Variants in TGM5 observed in about 807,000 individuals in gnomAD.
TGM5 encodes the protein protein-glutamine gamma-glutamyltransferase 5.
TGM5 carries 69 observed loss-of-function variants against 77.2 expected under a neutral mutation model. That is an observed-to-expected ratio of 0.89 (90% CI 0.74 to 1.09). The LOEUF is 1.09. TGM5 is among the 50% of genes least tolerant of loss of function. The probability of loss-of-function intolerance (pLI) is 0.00; values close to 1 mark genes in which losing one functional copy is unlikely to be tolerated. For missense variants in TGM5, 842 were observed against 896.5 expected, an observed-to-expected ratio of 0.94 and a Z score of 0.78; for synonymous variants, 346 against 351.8, an observed-to-expected ratio of 0.98 and a Z score of 0.18.
intron 6 of TGM5, among the ~76,000 whole-genome samples, chr15:43,251,689 G>C (rs1019662028): frequency 6.6e-6 from 1 of 152,244 alleles, no homozygotes; most frequent in East Asian, 1.9e-4. Context: ...TGAGGACCCG[G>C]AGCAAGTGCT....
At chr15:43,266,016 A>G (rs2042822146) in intron 1 of TGM5, among the ~76,000 whole-genome samples, 1 of 152,242 alleles carries the variant, frequency 6.6e-6, no homozygotes, top group African/African-American at 2.4e-5. Flanking sequence ...GAGTAAATGT[A>G]TGTCTGAGTG....
intron 3 of TGM5, among the ~76,000 whole-genome samples, chr15:43,257,802 A>G (rs1415339936): frequency 3.9e-5 from 6 of 152,240 alleles, no homozygotes; most frequent in African/African-American, 1.4e-4. Context: ...GGCACTATCC[A>G]TAATAGCAAA....
chr15:43,237,480 A>G (rs759134936), intron 9 of TGM5, among the ~76,000 whole-genome samples: 4 of 152,234 alleles, frequency 2.6e-5, no homozygotes, highest in Non-Finnish European at 5.9e-5. Flanking sequence ...GGGTTGCCAG[A>G]TTTAGCAAAC....
rs1341942385 is a variant in TGM5 at position 43,261,074 on chromosome 15, GTGTTTTTTTTTTTTTTTT to G, written c.11-513_11-496del. On this transcript the variant is annotated intron_variant, in intron 1 of 12. Coordinates refer to ENST00000220420, the MANE Select transcript of TGM5 (RefSeq NM_201631.4). The stretch of plus-strand genomic sequence containing the variant: ...AGCTGCTCTTCCTTTTTTTGTGTGT[GTGTTTTTTTTTTTTTTTT>G]TTTTTTTTTTTTTTTGAGACAGAGT... Among the ~76,000 whole-genome samples, 109 of 73,888 alleles carry G rather than the reference GTGTTTTTTTTTTTTTTTT, an allele frequency of 1.5e-3. 2 individuals are homozygous for G. The East Asian group carries it at 0.047, about 32-fold the overall frequency. 48.5% of individuals were successfully genotyped at this position (73,888 alleles called of 152,430 possible). A position where few individuals can be genotyped will look rare whatever the true frequency, so the allele number is the denominator to read the frequency against.
At chr15:43,240,757 G>A (rs1043041304) in intron 7 of TGM5, 95 bp downstream of exon 7, 29 of 1,544,796 alleles carry the variant, frequency 1.9e-5, no homozygotes, top group Non-Finnish European at 2.4e-5. Context: ...GAAGGGGAGG[G>A]ACCAGGCTCA....
intron 1 of TGM5, among the ~76,000 whole-genome samples, chr15:43,264,645 A>G (rs1437909578): frequency 1.3e-5 from 2 of 152,202 alleles, no homozygotes; most frequent in Non-Finnish European, 2.9e-5. Flanking sequence ...GCCAATGTGT[A>G]TGGGATTTCT....
intron 3 of TGM5, 76 bp from the exon 4 acceptor site, chr15:43,256,762 C>G: frequency 9.0e-7 from 1 of 1,107,464 alleles, no homozygotes; most frequent in Admixed American, 1.7e-5. Flanking sequence ...CCCCACAGTC[C>G]CAGAGGAAAC....
chr15:43,254,394 C>T (rs2042729693), intron 4 of TGM5, among the ~76,000 whole-genome samples: 1 of 152,204 alleles, frequency 6.6e-6, no homozygotes, highest in African/African-American at 2.4e-5. Flanking sequence ...AACTCTGTAC[C>T]TCTTTGTAGA....
chr15:43,243,176 G>A (rs2042649836), intron 6 of TGM5, among the ~76,000 whole-genome samples: 1 of 152,220 alleles, frequency 6.6e-6, no homozygotes, highest in African/African-American at 2.4e-5. Context: ...TTATGAGTCT[G>A]TCTTCCTGAG....
At position 43,235,736 on chromosome 15, in the gene TGM5, G is replaced by A; in HGVS notation, c.1447C>T (p.Pro483Ser). The A allele has an allele frequency of 5.0e-6, 8 of 1,614,184 alleles. No homozygotes were observed. The highest frequency in any genetic ancestry group is 6.8e-6 in the Non-Finnish European group (8 of 1,180,034). The change falls in exon 10 of 13, where the codon CCC (proline) becomes TCC (serine). Residue 483 changes from proline (P) to serine (S), a missense_variant. By Grantham distance (74) the Pro-to-Ser change is moderately conservative. Transcript: ENST00000220420. ...GGGCTGTCCTGGCTCAGTGATGTGGGCCTGGAAGGTTGCAACTCTGCTCCT... is the reference window on the plus strand; with the variant it reads ...GGGCTGTCCTGGCTCAGTGATGTGGACCTGGAAGGTTGCAACTCTGCTCCT... ...QRGAELQPSR[P>S]TSLSQDSPRS... is the part of the protein sequence containing the mutation.
intron 1 of TGM5, among the ~76,000 whole-genome samples, chr15:43,263,945 TA>T (rs1189374227): frequency 1.3e-5 from 2 of 152,212 alleles, no homozygotes; most frequent in African/African-American, 2.4e-5. Flanking sequence ...GAATACTTTT[TA>T]AAAAATTCAT....
Position 43,239,033 on chromosome 15 carries a change from A to T in TGM5, c.1129T>A (p.Ser377Thr). 2.5e-6 allele frequency: 4 copies of T among 1,613,960 alleles called. No individual in the cohort carries two copies. The highest frequency in any genetic ancestry group is 2.5e-6 in the Non-Finnish European group (3 of 1,179,966). The change falls in exon 9 of 13, where the codon TCT becomes ACT. Residue 377 changes from serine to threonine, a missense_variant. Transcript: ENST00000220420. ...SNGVYCCGPA[S>T]VRAIKEGEVD... is the part of the protein sequence containing the mutation. Reference sequence around the variant, plus strand: ...TCTCCTTCTTTGATGGCTCTGACAGAGGCAGGGCCACAGCAGTAGACGCCT... The same window carrying T: ...TCTCCTTCTTTGATGGCTCTGACAGTGGCAGGGCCACAGCAGTAGACGCCT...
chr15:43,238,776 G>T (rs930966712), intron 9 of TGM5, 41 bp downstream of exon 9: 6 of 1,609,700 alleles, frequency 3.7e-6, no homozygotes, highest in Admixed American at 1.7e-5. Flanking sequence ...GAAGGTTCCT[G>T]CAGGGCTGGG....
chr15:43,236,602 C>G (rs2042592134), intron 9 of TGM5, among the ~76,000 whole-genome samples: 1 of 152,172 alleles, frequency 6.6e-6, no homozygotes, highest in African/African-American at 2.4e-5. Context: ...CACTTTTATC[C>G]CCTTGCTCTG....
chr15:43,235,524 G>A lies in TGM5; in HGVS notation c.1659C>T (p.Ser553=). The change falls in exon 10 of 13, where the codon AGC becomes AGT. Residue 553 remains serine (S), a synonymous_variant. Coordinates refer to ENST00000220420, the MANE Select transcript of TGM5 (RefSeq NM_201631.4). ...TGTCCTGCCAGAATGGGGACAGGGG[G>A]CTGCCATCGTGCAGCAGAGACTGGG... ...LSAQSLLHDG[S]PLSPFWQDTA... 1 of 1,614,208 alleles carries A rather than the reference G, an allele frequency of 6.2e-7. No individual in the cohort carries two copies. The highest frequency in any genetic ancestry group is 8.5e-7 in the Non-Finnish European group (1 of 1,180,036).
At chr15:43,237,441 G>A (rs565371521) in intron 9 of TGM5, among the ~76,000 whole-genome samples, 160 of 152,272 alleles carry the variant, frequency 1.1e-3, no homozygotes, top group African/African-American at 3.8e-3. Flanking sequence ...CAGCAGTATT[G>A]TTCTACACTT....
chr15:43,242,542 T>C (rs896420450), intron 6 of TGM5, among the ~76,000 whole-genome samples: 1 of 152,252 alleles, frequency 6.6e-6, no homozygotes, highest in Non-Finnish European at 1.5e-5. Context: ...ACTACTGTCA[T>C]TTCTTAAAAG....
intron 1 of TGM5, among the ~76,000 whole-genome samples, chr15:43,262,448 T>G (rs898156580): frequency 1.3e-5 from 2 of 152,192 alleles, no homozygotes; most frequent in African/African-American, 4.8e-5. Flanking sequence ...TTCAACAGAA[T>G]CCAACATTCT....
rs767231325 is a variant in TGM5 at position 43,238,848 on chromosome 15, A to C, written c.1314T>G (p.Asp438Glu). 6.2e-7 allele frequency: 1 copy of C among 1,613,976 alleles called. No individual in the cohort carries two copies. Among genetic ancestry groups the C allele is most frequent in the African/African-American group, 1.3e-5 (1 of 74,890 alleles). ...CATACTTGTAGTTCTCTGTGATGTC[A>C]TCCCGCTCGTCACTCTGGATGCTCT... ...STKSIQSDER[D>E]DITENYKYEE... is the part of the protein sequence containing the mutation. The change falls in exon 9 of 13, where the codon GAT becomes GAG. Residue 438 changes from aspartate (D) to glutamate (E), a missense_variant. Physicochemically the swap from Asp to Glu is conservative, Grantham distance 45 (BLOSUM62 2). Around this residue, in one of 2 missense-constraint regions of TGM5, gnomAD observed 815 missense variants for 844.6 expected, o/e 0.96. Coordinates refer to ENST00000220420, the MANE Select transcript of TGM5 (RefSeq NM_201631.4).
Sources: allele counts gnomAD v4.1 joint callset (sites outside exome capture counted in the v4.1 genomes callset), GRCh38; gene constraint gnomAD v4.1.1; regional missense constraint gnomAD v4.1.1; transcripts MANE v1.5; gene names NCBI Gene and HGNC (gene_info 2026-07-23, HGNC 2026-07-21).